SCG5: variants seen among roughly 807,000 people sequenced by gnomAD.
SCG5 encodes secretogranin V.
A neutral mutation model predicts 25.7 loss-of-function variants in SCG5; 18 were observed. That is an observed-to-expected ratio of 0.70 (90% CI 0.48 to 1.04). The LOEUF (loss-of-function observed/expected upper bound fraction) is 1.04, where lower values mean the gene tolerates loss of function less well. Among genes scored for constraint, SCG5 ranks in the 50% least tolerant of loss-of-function variants. The probability of loss-of-function intolerance (pLI) is 0.00; values close to 1 mark genes in which losing one functional copy is unlikely to be tolerated. For missense variants in SCG5, 206 were observed against 259.8 expected, an observed-to-expected ratio of 0.79 and a Z score of 1.42; for synonymous variants, 101 against 91.7, an observed-to-expected ratio of 1.10 and a Z score of -0.58.
chr15:32,683,967 C>T (rs1222206754), intron 3 of SCG5, among the ~76,000 whole-genome samples: 2 of 152,208 alleles, frequency 1.3e-5, no homozygotes, highest in Non-Finnish European at 2.9e-5. Context: ...CAAATAAAAA[C>T]ATTGTATGGC....
At chr15:32,664,041 A>C (rs1013826441) in intron 2 of SCG5, among the ~76,000 whole-genome samples, 1 of 152,200 alleles carries the variant, frequency 6.6e-6, no homozygotes, top group Non-Finnish European at 1.5e-5. Flanking sequence ...TCTGAAGCTC[A>C]CCAGAGTGTT....
At chr15:32,678,642 A>G (rs747231352) in intron 2 of SCG5, among the ~76,000 whole-genome samples, 1 of 152,336 alleles carries the variant, frequency 6.6e-6, no homozygotes, top group Non-Finnish European at 1.5e-5. Context: ...CAATATCAAG[A>G]GTCATTAAAA....
intron 4 of SCG5, among the ~76,000 whole-genome samples, chr15:32,690,664 G>A (rs905905925): frequency 3.3e-5 from 5 of 152,128 alleles, no homozygotes; most frequent in South Asian, 4.1e-4. Flanking sequence ...TTTAATGAAC[G>A]TGAAAAATGA....
At chr15:32,667,470 T>C (rs946688498) in intron 2 of SCG5, among the ~76,000 whole-genome samples, 2 of 152,250 alleles carry the variant, frequency 1.3e-5, no homozygotes, top group African/African-American at 4.8e-5. Flanking sequence ...CCAGTGTCTG[T>C]GTGTAGTGCT....
chr15:32,652,125 A>G (rs1364454976), intron 2 of SCG5, among the ~76,000 whole-genome samples: 2 of 152,192 alleles, frequency 1.3e-5, no homozygotes. Context: ...GAGAAGGGGC[A>G]GTGGTTACCA....
intron 2 of SCG5, among the ~76,000 whole-genome samples, chr15:32,645,770 A>T (rs554908713): frequency 2.9e-4 from 44 of 152,338 alleles, no homozygotes; most frequent in African/African-American, 1.0e-3. Context: ...ATTCAGAATT[A>T]AAAACTCTGT....
intron 2 of SCG5, among the ~76,000 whole-genome samples, chr15:32,659,555 C>G (rs143319100): frequency 6.6e-6 from 1 of 152,172 alleles, no homozygotes; most frequent in African/African-American, 2.4e-5. Flanking sequence ...CACTACTGGT[C>G]AGTTCCCCCA....
At chr15:32,689,633 A>AT (rs917260144) in intron 4 of SCG5, among the ~76,000 whole-genome samples, 16 of 152,248 alleles carry the variant, frequency 1.1e-4, no homozygotes, top group African/African-American at 3.9e-4. Context: ...GAGATAGCTG[A>AT]TTTCTTTTCA....
intron 2 of SCG5, among the ~76,000 whole-genome samples, chr15:32,645,266 C>A (rs2140496143): frequency 6.6e-6 from 1 of 152,322 alleles, no homozygotes; most frequent in African/African-American, 2.4e-5. Context: ...ATGGAGTTCT[C>A]TGAGTTTCCA....
intron 2 of SCG5, chr15:32,655,961 A>G (rs1327562798): frequency 6.6e-6 from 1 of 152,220 alleles, no homozygotes; most frequent in African/African-American, 2.4e-5. Flanking sequence ...GAGATTTTTT[A>G]GGGAAACATA....
At chr15:32,686,256 G>A (rs985131782) in intron 4 of SCG5, among the ~76,000 whole-genome samples, 1 of 152,122 alleles carries the variant, frequency 6.6e-6, no homozygotes, top group Non-Finnish European at 1.5e-5. Context: ...ATAGGTTCTC[G>A]AATAGGAGAC....
At chr15:32,665,822 C>T (rs1362991268) in intron 2 of SCG5, 1 of 152,198 alleles carries the variant, frequency 6.6e-6, no homozygotes, top group Non-Finnish European at 1.5e-5. Context: ...CTGATGTCAC[C>T]TGCCACTCAT....
In SCG5 at chr15:32,652,588, C is replaced by G. The variant is rs933575986; in HGVS notation, c.226+8770C>G. Among the ~76,000 whole-genome samples, 3 of 152,116 alleles carry G rather than the reference C, an allele frequency of 2.0e-5. No homozygotes were observed. In the East Asian group the frequency reaches 5.8e-4, roughly 29 times the overall value. ...GGCCTGTGTCTTAGGTCTTTCCTTC[C>G]TCCATTGGGGAAAAAGGAAAGTGGC... is the stretch of plus-strand genomic sequence containing the variant. On this transcript the variant is annotated intron_variant, in intron 2 of 5. Coordinates refer to ENST00000300175, the MANE Select transcript of SCG5 (RefSeq NM_001144757.3).
At chr15:32,689,272 T>G (rs894369824) in intron 4 of SCG5, among the ~76,000 whole-genome samples, 1 of 152,232 alleles carries the variant, frequency 6.6e-6, no homozygotes, top group Non-Finnish European at 1.5e-5. Flanking sequence ...TTATTATGTA[T>G]TCTGGTGTTC....
At chr15:32,662,725 C>G (rs1291842642) in intron 2 of SCG5, among the ~76,000 whole-genome samples, 2 of 151,956 alleles carry the variant, frequency 1.3e-5, no homozygotes, top group East Asian at 3.9e-4. Flanking sequence ...TAACTGAGCC[C>G]TGAAGTTGGA....
rs186916141 is a variant in SCG5, at chr15:32,686,762, T to G, written c.489+2093T>G. 7.1e-4 allele frequency among the ~76,000 whole-genome samples: 108 copies of G among 152,316 alleles called. 1 individual carries two copies. Among genetic ancestry groups the G allele is most frequent in the African/African-American group, 2.6e-3 (107 of 41,568 alleles). Reference sequence around the variant, plus strand: ...CAGGCACTGTGCTAGATGCTCAGTATGCAGGAGTCATCAGGACATGGTGCT... The same window carrying G: ...CAGGCACTGTGCTAGATGCTCAGTAGGCAGGAGTCATCAGGACATGGTGCT... On this transcript the variant is annotated intron_variant, in intron 4 of 5. Transcript: ENST00000300175.
intron 2 of SCG5, among the ~76,000 whole-genome samples, chr15:32,648,928 C>G (rs1238405582): frequency 2.0e-5 from 3 of 152,128 alleles, no homozygotes; most frequent in Non-Finnish European, 2.9e-5. Flanking sequence ...CCCGCCACCA[C>G]GCCCGGCTAA....
intron 4 of SCG5, among the ~76,000 whole-genome samples, chr15:32,687,008 G>C (rs1032934657): frequency 2.6e-5 from 4 of 152,152 alleles, no homozygotes; most frequent in African/African-American, 9.7e-5. Flanking sequence ...ACTAAGGAGG[G>C]CAGCACTGAA....
intron 2 of SCG5, among the ~76,000 whole-genome samples, chr15:32,676,690 G>A (rs1375442008): frequency 1.3e-5 from 2 of 152,094 alleles, no homozygotes; most frequent in Non-Finnish European, 2.9e-5. Flanking sequence ...ATACAGAAAG[G>A]TTAAAAATAA....
Sources: allele counts gnomAD v4.1 joint callset (sites outside exome capture counted in the v4.1 genomes callset), GRCh38; gene constraint gnomAD v4.1.1; transcripts MANE v1.5; gene names NCBI Gene and HGNC (gene_info 2026-07-23, HGNC 2026-07-21).